The following DNAH17 variants were observed in gnomAD, a reference collection of about 807,000 sequenced individuals.
DNAH17 encodes the protein axonemal beta dynein heavy chain 17.
Under a neutral mutation model 485.6 loss-of-function variants are expected in DNAH17, and 376 were observed. That is an observed-to-expected ratio of 0.77 (90% CI 0.71 to 0.84). The LOEUF is 0.84. DNAH17 is among the 40% of genes least tolerant of loss of function. The probability of loss-of-function intolerance (pLI) is 0.00; values close to 1 mark genes in which losing one functional copy is unlikely to be tolerated. For missense variants in DNAH17, 6,370 were observed against 5,839.3 expected, an observed-to-expected ratio of 1.09 and a Z score of -2.96; for synonymous variants, 3,031 against 2,405.9, an observed-to-expected ratio of 1.26 and a Z score of -7.60.
At chr17:78,485,894 G>A (rs1412973447) in intron 46 of DNAH17, 66 bp downstream of exon 46, 9 of 1,581,872 alleles carry the variant, frequency 5.7e-6, no homozygotes, top group East Asian at 4.5e-5. Context: ...GCAGGCGTGT[G>A]GAGGGTACTG....
At chr17:78,565,275 T>C (rs1222893005) in intron 11 of DNAH17, among the ~76,000 whole-genome samples, 1 of 152,248 alleles carries the variant, frequency 6.6e-6, no homozygotes, top group Non-Finnish European at 1.5e-5. Context: ...CAAGTATAAC[T>C]GAATAATTTT....
Position 78,537,414 on chromosome 17 carries a change from G to C in DNAH17, c.2744C>G (p.Thr915Ser), listed in dbSNP as rs1044575564. 5 of 1,613,290 alleles carry C rather than the reference G, an allele frequency of 3.1e-6. No homozygotes were observed. The South Asian group carries it at 3.3e-5, about 11-fold the overall frequency. ...LDEDGLTFNP[T>S]LEVGSDRGFL... ...GCCGCGATCTGAGCCCACCTCCAGG[G>C]TCGGGTTGAAGGTCAGCCCATCCTC... Residue 915 changes from threonine (T) to serine (S), a missense_variant, in exon 19 of 81, where the codon ACC becomes AGC. Coordinates refer to ENST00000389840, the MANE Select transcript of DNAH17 (RefSeq NM_173628.4).
rs2089588011 is a variant in DNAH17, at chr17:78,485,961, T to C, written c.7274A>G (p.Gln2425Arg). The C allele has an allele frequency of 6.2e-7, 1 of 1,611,564 alleles. No individual in the cohort carries two copies. The highest frequency in any genetic ancestry group is 8.5e-7 in the Non-Finnish European group (1 of 1,179,572). Residue 2425 changes from glutamine (Q) to arginine (R), a missense_variant and splice_region_variant, in exon 46 of 81, where the codon CAG (glutamine) becomes CGG (arginine). Physicochemically the swap from Gln to Arg is conservative, Grantham distance 43. Transcript: ENST00000389840. ...TGGCCCTGCTTTGGGGACAGTTACC[T>C]GCAGTGGGACATCGGGATCCAGCTC... ...SFELDPDVPL[Q>R]ASLVHTTETI...
intron 69 of DNAH17, 88 bp downstream of exon 69, chr17:78,449,326 C>T: frequency 1.4e-6 from 2 of 1,393,704 alleles, no homozygotes; most frequent in East Asian, 2.5e-5. Context: ...GGTGGGGGCC[C>T]AACAATCTGC....
Position 78,426,588 on chromosome 17 carries a change from T to TG in DNAH17, c.12783dup (p.Ile4262HisfsTer15). On this transcript the variant is annotated frameshift_variant, in exon 79 of 81. Coordinates refer to ENST00000389840, the MANE Select transcript of DNAH17 (RefSeq NM_173628.4). LOFTEE classifies it high-confidence loss of function. The stretch of plus-strand genomic sequence containing the variant: ...GACAGATCTTCCACGTCGGTCGTGA[T>TG]GGTCAGTTCTCCCTAGGAGACACAC... 1.2e-6 allele frequency: 2 copies of TG among 1,609,356 alleles called. No individual in the cohort carries two copies. The highest frequency in any genetic ancestry group is 1.7e-6 in the Non-Finnish European group (2 of 1,177,338).
At chr17:78,519,040 C>A (rs1251224904) in intron 25 of DNAH17, among the ~76,000 whole-genome samples, 1 of 151,740 alleles carries the variant, frequency 6.6e-6, no homozygotes, top group East Asian at 1.9e-4. Flanking sequence ...TGGTGGCGGG[C>A]ACCTGTAGTC....
At chr17:78,498,154 CATAA>C (rs148513000) in intron 37 of DNAH17, among the ~76,000 whole-genome samples, 48,181 of 146,364 alleles carry the variant, frequency 0.33, 8,501 homozygotes, top group East Asian at 0.63. Flanking sequence ...AAAAACAAAA[CATAA>C]ATAAATAAAT....
chr17:78,436,256 A>G (rs1048026716), intron 74 of DNAH17, among the ~76,000 whole-genome samples: 1 of 152,064 alleles, frequency 6.6e-6, no homozygotes, highest in Non-Finnish European at 1.5e-5. Context: ...GTGAAACCCC[A>G]TCTCTACTAA....
chr17:78,562,080 G>C (rs2092169964), intron 11 of DNAH17, 100 bp from the exon 12 acceptor site: 1 of 1,372,470 alleles, frequency 7.3e-7, no homozygotes, highest in Admixed American at 2.7e-5. Flanking sequence ...TCAGGAGTGA[G>C]AGAATGTGTA....
chr17:78,546,023 G>A (rs1390646498), intron 16 of DNAH17, among the ~76,000 whole-genome samples: 2 of 151,866 alleles, frequency 1.3e-5, no homozygotes, highest in South Asian at 2.1e-4. Context: ...CACTCAGGCT[G>A]GAGGGCAGTG....
At chr17:78,545,507 C>A (rs986254853) in intron 16 of DNAH17, among the ~76,000 whole-genome samples, 1 of 152,096 alleles carries the variant, frequency 6.6e-6, no homozygotes, top group East Asian at 1.9e-4. Context: ...TGTGACCTCA[C>A]ATGGCGGAGG....
At chr17:78,531,686 T>G (rs557454199) in intron 20 of DNAH17, among the ~76,000 whole-genome samples, 1 of 152,352 alleles carries the variant, frequency 6.6e-6, no homozygotes, top group South Asian at 2.1e-4. Flanking sequence ...TCCTACTTGT[T>G]CTTGGTTTCT....
intron 55 of DNAH17, 136 bp downstream of exon 55, chr17:78,468,481 C>T: frequency 4.1e-6 from 5 of 1,229,010 alleles, no homozygotes; most frequent in South Asian, 3.2e-5. Flanking sequence ...AGCCCCACCC[C>T]TCACACTCTC....
rs768252463 is a variant in DNAH17, at chr17:78,507,446, G to A, written c.4584+12C>T. The A allele has an allele frequency of 7.4e-6, 12 of 1,612,958 alleles. No individual in the cohort carries two copies. In the South Asian group the frequency reaches 1.2e-4, roughly 16 times the overall value. On this transcript the variant is annotated intron_variant, in intron 28 of 80. Transcript: ENST00000389840. ...TTTCTGAAGTGCGTGGGAACCACCGGGCTGTGCTCACCTTGAATTCCTGGT... is the reference window on the plus strand; with the variant it reads ...TTTCTGAAGTGCGTGGGAACCACCGAGCTGTGCTCACCTTGAATTCCTGGT...
In DNAH17 at chr17:78,526,893, C is replaced by A. The variant is rs1454498143; in HGVS notation, c.3611G>T (p.Cys1204Phe). 19 of 1,574,480 alleles carry A rather than the reference C, an allele frequency of 1.2e-5. No homozygotes were observed. Among genetic ancestry groups the A allele is most frequent in the Non-Finnish European group, 1.6e-5 (19 of 1,159,594 alleles). ...CAGGTATAATACCTCGAATTGCTGGCATTTCCGCCGCAGGATGCTGACCTC... is the reference window on the plus strand; with the variant it reads ...CAGGTATAATACCTCGAATTGCTGGAATTTCCGCCGCAGGATGCTGACCTC... ...ANEVSILRRK[C>F]QQFELKQHEF... The change falls in exon 23 of 81, where the codon TGC becomes TTC. Residue 1204 changes from cysteine (C) to phenylalanine (F), a missense_variant. Transcript: ENST00000389840.
At position 78,460,899 on chromosome 17, in the gene DNAH17, G is replaced by A. The variant is rs533262411; in HGVS notation, c.9340-642C>T. Among the ~76,000 whole-genome samples, 84 of 152,270 alleles carry A rather than the reference G, an allele frequency of 5.5e-4. 1 individual carries two copies. The South Asian group carries it at 0.014, about 26-fold the overall frequency. Reference sequence around the variant, plus strand: ...TACATACTCATTCATTCACTCAGGAGACAGTGGGCCATGACTGGAACGCTC... The same window carrying A: ...TACATACTCATTCATTCACTCAGGAAACAGTGGGCCATGACTGGAACGCTC... On this transcript the variant is annotated intron_variant, in intron 58 of 80. Coordinates refer to ENST00000389840, the MANE Select transcript of DNAH17 (RefSeq NM_173628.4).
rs1294179209 is a variant in DNAH17, at chr17:78,532,602, C to T, written c.2994G>A (p.Leu998=). The stretch of plus-strand genomic sequence containing the variant: ...TCAGGAAATTCTTCATAAACTCCTG[C>T]AGGTTGTCCGTCCAGAGGTAGGAGT... ...ERYSYLWTDN[L]QEFMKNFLIY... Residue 998 remains leucine, a synonymous_variant, in exon 20 of 81, where the codon CTG becomes CTA. Transcript: ENST00000389840. 6.2e-7 allele frequency: 1 copy of T among 1,607,622 alleles called. No homozygotes were observed. The highest frequency in any genetic ancestry group is 2.2e-5 in the East Asian group (1 of 44,752).
Position 78,553,283 on chromosome 17 carries a change from G to GTTTTTTTTTTTTTTTT in DNAH17, c.2179-494_2179-479dup, listed in dbSNP as rs60587420. Reference sequence around the variant, plus strand: ...AAATTACCCAGTCCCAGGTTTTTGTGTTTTTTTTTTTTTTTTTTTTTTTTT... The same window carrying GTTTTTTTTTTTTTTTT: ...AAATTACCCAGTCCCAGGTTTTTGTGTTTTTTTTTTTTTTTTTTTTTTTTTTTTTTTTTTTTTTTTT... On this transcript the variant is annotated intron_variant, in intron 14 of 80. Coordinates refer to ENST00000389840, the MANE Select transcript of DNAH17 (RefSeq NM_173628.4). Among the ~76,000 whole-genome samples, 94 of 51,030 alleles carry GTTTTTTTTTTTTTTTT rather than the reference G, an allele frequency of 1.8e-3. 19 individuals carry two copies. Among genetic ancestry groups the GTTTTTTTTTTTTTTTT allele is most frequent in the Non-Finnish European group, 2.6e-3 (74 of 28,884 alleles). The allele number at this position is 51,030 out of a possible 152,430, so 33.5% of individuals were successfully genotyped here. A position where few individuals can be genotyped will look rare whatever the true frequency, so the allele number is the denominator to read the frequency against.
chr17:78,485,698 C>T lies in DNAH17; in HGVS notation c.7335G>A (p.Met2445Ile), dbSNP rs2089574061. The T allele has an allele frequency of 6.2e-7, 1 of 1,614,008 alleles. No individual in the cohort carries two copies. Among genetic ancestry groups the T allele is most frequent in the Non-Finnish European group, 8.5e-7 (1 of 1,179,892 alleles). The stretch of plus-strand genomic sequence containing the variant: ...CCAGCATCACCGGCCAGGACTTCTC[C>T]ATGAGCAGGTCCATGAAGTAGCGGA... ...IRIRYFMDLL[M>I]EKSWPVMLVG... Residue 2445 changes from methionine to isoleucine, a missense_variant, in exon 47 of 81, where the codon ATG (methionine) becomes ATA (isoleucine). By Grantham distance (10) the Met-to-Ile change is conservative (BLOSUM62 1). Transcript: ENST00000389840.
Sources: allele counts gnomAD v4.1 joint callset (sites outside exome capture counted in the v4.1 genomes callset), GRCh38; gene constraint gnomAD v4.1.1; transcripts MANE v1.5; gene names NCBI Gene and HGNC (gene_info 2026-07-23, HGNC 2026-07-21).